NOTCH2NLC: variants seen among roughly 807,000 people sequenced by gnomAD.
NOTCH2NLC encodes notch homolog 2 N-terminal-like protein C.
Under a neutral mutation model 17.7 loss-of-function variants are expected in NOTCH2NLC, and 4 were observed. The observed-to-expected ratio is 0.23, with a 90% CI of 0.11 to 0.52. The LOEUF (loss-of-function observed/expected upper bound fraction) is 0.52, where lower values mean the gene tolerates loss of function less well. NOTCH2NLC is among the 20% of genes least tolerant of loss of function. NOTCH2NLC has a pLI of 0.96. For missense variants in NOTCH2NLC, 57 were observed against 207.2 expected, an observed-to-expected ratio of 0.28 and a Z score of 4.45; for synonymous variants, 18 against 86.0, an observed-to-expected ratio of 0.21 and a Z score of 4.38.
intron 1 of NOTCH2NLC, among the ~76,000 whole-genome samples, chr1:149,417,096 C>CTT (rs2084339800): frequency 1.2e-4 from 12 of 101,624 alleles, no homozygotes; most frequent in South Asian, 3.6e-4. Context: ...ATCAGGTTTT[C>CTT]CTTTTTTTTT....
At chr1:149,462,780 C>G (rs2084657216) in intron 3 of NOTCH2NLC, among the ~76,000 whole-genome samples, 2 of 148,092 alleles carry the variant, frequency 1.4e-5, no homozygotes. Context: ...GAGGTTGGAA[C>G]TTTAGAGTTG....
intron 1 of NOTCH2NLC, among the ~76,000 whole-genome samples, chr1:149,399,975 A>G (rs1396796056): frequency 6.7e-6 from 1 of 150,004 alleles, no homozygotes; most frequent in Non-Finnish European, 1.5e-5. Context: ...AAAAGTAATT[A>G]TGTTTGAAAA....
At chr1:149,391,066 G>C (rs1323735249) in intron 1 of NOTCH2NLC, 144 bp downstream of exon 1, 1 of 758,446 alleles carries the variant, frequency 1.3e-6, no homozygotes, top group Non-Finnish European at 1.7e-6. Context: ...GTTCCCGAGA[G>C]TTTGGACATC....
chr1:149,471,122 C>T lies in NOTCH2NLC; in HGVS notation c.*6969C>T, dbSNP rs1373097216. On this transcript the variant is annotated 3_prime_UTR_variant, in exon 5 of 5. Transcript: ENST00000650865. ...ATACTTATTAGTCATTATGTATCTT[C>T]TTTGGAGAATGTCTGTTCAGATCCT... Among the ~76,000 whole-genome samples the T allele has an allele frequency of 1.0e-4, 15 of 148,218 alleles. No homozygotes were observed. The highest frequency in any genetic ancestry group is 3.7e-4 in the African/African-American group (15 of 40,214).
chr1:149,449,072 A>C (rs2084574135), intron 2 of NOTCH2NLC, among the ~76,000 whole-genome samples: 1 of 148,482 alleles, frequency 6.7e-6, no homozygotes. Context: ...TAGTAGAGAC[A>C]GGGTTTCACT....
intron 1 of NOTCH2NLC, among the ~76,000 whole-genome samples, chr1:149,401,879 A>G (rs2084248436): frequency 9.2e-6 from 1 of 108,430 alleles, no homozygotes; most frequent in Admixed American, 9.9e-5. Flanking sequence ...CAATTAATAT[A>G]AAAATTGCTT....
rs1382610082 is a variant in NOTCH2NLC, at chr1:149,423,444, C to T, written c.136-7498C>T. ...GAAAGTTTTGTTTGAAATTGCAGGG[C>T]GCTATGAGAATTATTGCAAATCCCT... On this transcript the variant is annotated intron_variant, in intron 1 of 4. Transcript: ENST00000650865. Among the ~76,000 whole-genome samples the T allele has an allele frequency of 1.0e-4, 15 of 150,594 alleles. 1 individual carries two copies. Among genetic ancestry groups the T allele is most frequent in the Admixed American group, 2.0e-4 (3 of 15,104 alleles).
At chr1:149,417,367 C>G (rs1469638656) in intron 1 of NOTCH2NLC, among the ~76,000 whole-genome samples, 5,801 of 150,976 alleles carry the variant, frequency 0.038, 357 homozygotes, top group Middle Eastern at 0.066. Context: ...CTCGGCCTCC[C>G]AAAGTGCTGG....
chr1:149,407,126 T>C, intron 1 of NOTCH2NLC, among the ~76,000 whole-genome samples: 1 of 151,222 alleles, frequency 6.6e-6, no homozygotes, highest in South Asian at 2.1e-4. Flanking sequence ...AGATGAAAGA[T>C]GAAGAACTCT....
rs1331040499 is a variant in NOTCH2NLC at position 149,467,317 on chromosome 1, T to C, written c.*3164T>C. 2.2e-5 allele frequency: 3 copies of C among 133,348 alleles called. No homozygotes were observed. The highest frequency in any genetic ancestry group is 4.8e-5 in the Non-Finnish European group (3 of 62,940). 8.3% of individuals were successfully genotyped at this position (133,348 alleles called of 1,614,324 possible). ...TGAATGCCACATAACTTAGTGACTA[T>C]ATTTAAATGGTTAATTTACAATTTT... On this transcript the variant is annotated 3_prime_UTR_variant, in exon 5 of 5. Coordinates refer to ENST00000650865, the MANE Select transcript of NOTCH2NLC (RefSeq NM_001364013.2).
chr1:149,401,961 C>G, intron 1 of NOTCH2NLC, among the ~76,000 whole-genome samples: 1 of 132,830 alleles, frequency 7.5e-6, no homozygotes, highest in Admixed American at 7.7e-5. Flanking sequence ...ACACAATGAT[C>G]TCCTTTAATC....
chr1:149,404,307 T>C lies in NOTCH2NLC; in HGVS notation c.135+13385T>C, dbSNP rs1388660813. 2.6e-5 allele frequency among the ~76,000 whole-genome samples: 4 copies of C among 151,214 alleles called. No individual in the cohort carries two copies. In the East Asian group the frequency reaches 7.8e-4, roughly 30 times the overall value. ...ATCTCTGTTAGACATTTTGAAATAA[T>C]AAAAATATCCCATTGTCTTTTATTG... On this transcript the variant is annotated intron_variant, in intron 1 of 4. Coordinates refer to ENST00000650865, the MANE Select transcript of NOTCH2NLC (RefSeq NM_001364013.2).
rs1445270704 is a variant in NOTCH2NLC, at chr1:149,419,854, TA to T, written c.136-11087del. On this transcript the variant is annotated intron_variant, in intron 1 of 4. Coordinates refer to ENST00000650865, the MANE Select transcript of NOTCH2NLC (RefSeq NM_001364013.2). ...TGAAGTTCAGGAATATATATATATA[TA>T]TTTTTTTTTTTTTTTTTTTTTTTTT... Among the ~76,000 whole-genome samples, 82 of 117,984 alleles carry T rather than the reference TA, an allele frequency of 7.0e-4. 2 individuals carry two copies. Among genetic ancestry groups the T allele is most frequent in the African/African-American group, 2.1e-3 (62 of 29,908 alleles). The allele number at this position is 117,984 out of a possible 152,430, so 77.4% of individuals were successfully genotyped here.
chr1:149,412,131 CAAAA>C (rs1174642398), intron 1 of NOTCH2NLC, among the ~76,000 whole-genome samples: 2 of 114,060 alleles, frequency 1.8e-5, no homozygotes, highest in African/African-American at 7.4e-5. Flanking sequence ...AAAAAAAAAA[CAAAA>C]AAAAAACAAA....
intron 1 of NOTCH2NLC, among the ~76,000 whole-genome samples, chr1:149,402,145 T>C (rs2084249689): frequency 6.6e-6 from 1 of 150,522 alleles, no homozygotes; most frequent in South Asian, 2.1e-4. Flanking sequence ...AATGGCGCAA[T>C]CTCGGCTCAC....
intron 1 of NOTCH2NLC, among the ~76,000 whole-genome samples, chr1:149,424,101 A>G (rs1162881861): frequency 1.3e-5 from 2 of 151,284 alleles, no homozygotes; most frequent in Non-Finnish European, 3.0e-5. Context: ...AAGTCTGGAT[A>G]CCTTAGCCTT....
intron 3 of NOTCH2NLC, among the ~76,000 whole-genome samples, chr1:149,460,859 CTT>C (rs2084641739): frequency 1.7e-3 from 3 of 1,798 alleles, no homozygotes; most frequent in South Asian, 0.019. Flanking sequence ...TTCTCCCTTT[CTT>C]TCTTTCTTTC....
intron 1 of NOTCH2NLC, among the ~76,000 whole-genome samples, chr1:149,424,893 G>A (rs1252393041): frequency 1.3e-5 from 2 of 151,180 alleles, no homozygotes; most frequent in Non-Finnish European, 3.0e-5. Context: ...ACATGGTAGC[G>A]AGAACTCACT....
rs1379078155 is a variant in NOTCH2NLC, at chr1:149,468,966, T to TC, written c.*4813_*4814insC. 1.3e-4 allele frequency among the ~76,000 whole-genome samples: 16 copies of TC among 123,452 alleles called. No homozygotes were observed. Among genetic ancestry groups the TC allele is most frequent in the Non-Finnish European group, 2.4e-4 (14 of 57,456 alleles). The allele number at this position is 123,452 out of a possible 152,430, so 81.0% of individuals were successfully genotyped here. A position where few individuals can be genotyped will look rare whatever the true frequency, so the allele number is the denominator to read the frequency against. On this transcript the variant is annotated 3_prime_UTR_variant, in exon 5 of 5. Transcript: ENST00000650865. The stretch of plus-strand genomic sequence containing the variant: ...TCATTTTCTTTTCTTTTCTTTTTTT[T>TC]TTTTTTTTTTTTTTTTGAGACGGAG...
Sources: allele counts gnomAD v4.1 joint callset (sites outside exome capture counted in the v4.1 genomes callset), GRCh38; gene constraint gnomAD v4.1.1; transcripts MANE v1.5; gene names NCBI Gene and HGNC (gene_info 2026-07-23, HGNC 2026-07-21).